The following ARMH3 variants were observed in gnomAD, a reference collection of about 807,000 sequenced individuals.
ARMH3 encodes the protein armadillo like helical domain containing 3.
Under a neutral mutation model 99.1 loss-of-function variants are expected in ARMH3, and 60 were observed. That is an observed-to-expected ratio of 0.61 (90% CI 0.49 to 0.75). The LOEUF is 0.75. ARMH3 is among the 30% of genes least tolerant of loss of function. The probability of loss-of-function intolerance (pLI) is 0.00; values close to 1 mark genes in which losing one functional copy is unlikely to be tolerated. For synonymous variants in ARMH3, 285 were observed against 292.8 expected (o/e 0.97, Z 0.27); for missense variants, 679 against 843.1 (o/e 0.81, Z 2.41).
chr10:102,050,195 C>G (rs947642359), intron 1 of ARMH3, among the ~76,000 whole-genome samples: 6 of 151,240 alleles, frequency 4.0e-5, no homozygotes, highest in Admixed American at 4.0e-4. Context: ...GTAATCCCAA[C>G]ACTTTGGGAG....
intron 1 of ARMH3, among the ~76,000 whole-genome samples, chr10:102,042,498 T>C (rs1380542549): frequency 6.6e-6 from 1 of 152,194 alleles, no homozygotes; most frequent in Non-Finnish European, 1.5e-5. Flanking sequence ...CTACCAAATT[T>C]CCTAAGAAAT....
chr10:101,970,746 G>A (rs1252717520), intron 20 of ARMH3, among the ~76,000 whole-genome samples: 1 of 151,836 alleles, frequency 6.6e-6, no homozygotes, highest in Non-Finnish European at 1.5e-5. Flanking sequence ...GATCCATTGG[G>A]CCCAGGAGGT....
At position 102,033,281 on chromosome 10, in the gene ARMH3, AC is replaced by A; in HGVS notation, c.159+1del. 6.2e-7 allele frequency: 1 copy of A among 1,614,132 alleles called. No homozygotes were observed. Among genetic ancestry groups the A allele is most frequent in the Non-Finnish European group, 8.5e-7 (1 of 1,180,030 alleles). On this transcript the variant is annotated splice_donor_variant, in intron 3 of 25. Coordinates refer to ENST00000370033, the MANE Select transcript of ARMH3 (RefSeq NM_024541.3). LOFTEE classifies it high-confidence loss of function. ...AATTCCACAGATGCCACCAACTCTT[AC>A]CTTCATGAGAAAGAGCTCCTCCCAA...
At chr10:101,877,681 G>C (rs1056382059) in intron 24 of ARMH3, among the ~76,000 whole-genome samples, 1 of 151,762 alleles carries the variant, frequency 6.6e-6, no homozygotes. Flanking sequence ...TTTTTTTAAA[G>C]CTGACAATTA....
intron 8 of ARMH3, among the ~76,000 whole-genome samples, chr10:102,015,961 C>T (rs891494938): frequency 8.5e-5 from 13 of 152,118 alleles, no homozygotes; most frequent in African/African-American, 2.4e-4. Context: ...TGGCAAAACC[C>T]TATCTCTACA....
In ARMH3 at chr10:101,847,509, T is replaced by C. The variant is rs1210972338; in HGVS notation, c.*19A>G. ...CTCATGGGTAAGGGCAGTCAGAGGC[T>C]GCTCAGGTAGGCGTGGCCTCAGGAG... On this transcript the variant is annotated 3_prime_UTR_variant, in exon 26 of 26. Transcript: ENST00000370033. The C allele has an allele frequency of 6.2e-7, 1 of 1,610,872 alleles. No homozygotes were observed. The highest frequency in any genetic ancestry group is 1.1e-5 in the South Asian group (1 of 91,020).
chr10:101,848,262 G>GA (rs1194447599), intron 25 of ARMH3, among the ~76,000 whole-genome samples: 2 of 152,154 alleles, frequency 1.3e-5, no homozygotes, highest in Non-Finnish European at 2.9e-5. Context: ...CACTCGAGAG[G>GA]AAAGTCTGGG....
At chr10:102,055,691 G>A (rs1156704301) in intron 1 of ARMH3, among the ~76,000 whole-genome samples, 2 of 152,172 alleles carry the variant, frequency 1.3e-5, no homozygotes, top group Non-Finnish European at 2.9e-5. Flanking sequence ...ATTCTCAGAG[G>A]TGCCTTGCCC....
chr10:101,925,006 A>C (rs1843455702), intron 23 of ARMH3, among the ~76,000 whole-genome samples: 2 of 152,184 alleles, frequency 1.3e-5, no homozygotes, highest in South Asian at 4.1e-4. Context: ...AAACAAAACA[A>C]AACAAAATAA....
intron 23 of ARMH3, among the ~76,000 whole-genome samples, chr10:101,914,620 C>T (rs1237399524): frequency 6.6e-6 from 1 of 151,734 alleles, no homozygotes; most frequent in East Asian, 1.9e-4. Flanking sequence ...AATCCCAGCA[C>T]TTTGGGAGGC....
intron 23 of ARMH3, among the ~76,000 whole-genome samples, chr10:101,933,722 G>A (rs1270038277): frequency 2.0e-5 from 3 of 152,196 alleles, no homozygotes; most frequent in African/African-American, 7.2e-5. Context: ...GGTCATGATT[G>A]ATAAATTCTA....
At chr10:101,854,017 G>A (rs572247966) in intron 24 of ARMH3, among the ~76,000 whole-genome samples, 1 of 152,264 alleles carries the variant, frequency 6.6e-6, no homozygotes, top group Non-Finnish European at 1.5e-5. Flanking sequence ...GGAGGCTGAG[G>A]CAGGAGAATC....
intron 23 of ARMH3, among the ~76,000 whole-genome samples, chr10:101,919,522 G>C (rs1228136107): frequency 4.6e-5 from 7 of 152,096 alleles, no homozygotes; most frequent in Admixed American, 3.9e-4. Context: ...TCTCTGTGCT[G>C]TTCTTAGAGG....
At chr10:102,002,558 T>G (rs763739735) in intron 14 of ARMH3, among the ~76,000 whole-genome samples, 2 of 151,980 alleles carry the variant, frequency 1.3e-5, no homozygotes, top group Non-Finnish European at 1.5e-5. Flanking sequence ...GACGTACCCA[T>G]GATAGAGAGG....
intron 8 of ARMH3, among the ~76,000 whole-genome samples, chr10:102,019,514 A>C (rs1388012506): frequency 6.6e-6 from 1 of 152,176 alleles, no homozygotes; most frequent in Non-Finnish European, 1.5e-5. Context: ...TTCCCTGAAG[A>C]TCTTCCAAAT....
intron 19 of ARMH3, among the ~76,000 whole-genome samples, chr10:101,977,564 A>G (rs1392287735): frequency 6.6e-6 from 1 of 152,254 alleles, no homozygotes; most frequent in Admixed American, 6.5e-5. Flanking sequence ...GTCCTTTGCT[A>G]TAGTCTGAAT....
chr10:102,050,485 T>C (rs897767859), intron 1 of ARMH3, among the ~76,000 whole-genome samples: 1 of 151,772 alleles, frequency 6.6e-6, no homozygotes, highest in African/African-American at 2.4e-5. Flanking sequence ...CATACATAAA[T>C]AAATAAAAAG....
intron 13 of ARMH3, among the ~76,000 whole-genome samples, chr10:102,009,018 TG>T (rs1231638603): frequency 6.6e-6 from 1 of 152,230 alleles, no homozygotes; most frequent in Non-Finnish European, 1.5e-5. Context: ...TATCTCCAGT[TG>T]TAATTCCACA....
At chr10:101,889,520 GC>G in intron 23 of ARMH3, 30 bp from the exon 24 acceptor site, 1 of 1,567,064 alleles carries the variant, frequency 6.4e-7, no homozygotes, top group Non-Finnish European at 8.8e-7. Context: ...TTAATATGGT[GC>G]CAGATAGAAG....
Sources: allele counts gnomAD v4.1 joint callset (sites outside exome capture counted in the v4.1 genomes callset), GRCh38; gene constraint gnomAD v4.1.1; transcripts MANE v1.5; gene names NCBI Gene and HGNC (gene_info 2026-07-23, HGNC 2026-07-21).